Variants in MYO1D observed in about 807,000 individuals in gnomAD.
MYO1D encodes unconventional myosin-Id.
MYO1D carries 83 observed loss-of-function variants against 122.0 expected under a neutral mutation model. The observed-to-expected ratio is 0.68, with a 90% CI of 0.57 to 0.82. MYO1D has a LOEUF of 0.82. MYO1D is among the 40% of genes least tolerant of loss of function. The pLI, the probability that MYO1D is intolerant of heterozygous loss-of-function variation, is 0.00. For synonymous variants in MYO1D, 464 were observed against 446.9 expected (o/e 1.04, Z -0.48); for missense variants, 1,157 against 1,269.5 (o/e 0.91, Z 1.35).
At chr17:32,584,433 A>C (rs968128586) in intron 21 of MYO1D, among the ~76,000 whole-genome samples, 14 of 151,820 alleles carry the variant, frequency 9.2e-5, no homozygotes, top group African/African-American at 2.7e-4. Context: ...TACCATCTTA[A>C]CTATTTTCAA....
intron 21 of MYO1D, among the ~76,000 whole-genome samples, chr17:32,567,275 C>T (rs765690832): frequency 1.1e-4 from 16 of 152,204 alleles, no homozygotes; most frequent in Non-Finnish European, 1.8e-4. Context: ...CACGACTCAG[C>T]AAGTGACATG....
At chr17:32,678,584 G>A (rs1242719810) in intron 16 of MYO1D, among the ~76,000 whole-genome samples, 3 of 151,514 alleles carry the variant, frequency 2.0e-5, no homozygotes, top group East Asian at 3.9e-4. Context: ...CAAAGGGCAT[G>A]AACTCATCAT....
chr17:32,864,549 A>G (rs925563446), intron 1 of MYO1D, among the ~76,000 whole-genome samples: 89 of 25,686 alleles, frequency 3.5e-3, no homozygotes, highest in South Asian at 0.014. Flanking sequence ...TCTACGAATG[A>G]AAAAAAAAAA....
chr17:32,817,901 C>G (rs1022082144), intron 1 of MYO1D, among the ~76,000 whole-genome samples: 21 of 151,454 alleles, frequency 1.4e-4, no homozygotes, highest in African/African-American at 5.1e-4. Context: ...CCGAGGCGGG[C>G]GGATCACGAG....
chr17:32,694,100 G>A (rs1301055617), intron 16 of MYO1D, among the ~76,000 whole-genome samples: 1 of 152,190 alleles, frequency 6.6e-6, no homozygotes, highest in African/African-American at 2.4e-5. Context: ...ATATGTAGGG[G>A]TAAGTCTTCA....
intron 14 of MYO1D, among the ~76,000 whole-genome samples, chr17:32,735,569 T>C (rs2089692358): frequency 6.8e-6 from 1 of 146,754 alleles, no homozygotes; most frequent in East Asian, 2.1e-4. Context: ...AAATTTGGTT[T>C]TCAAAGCTTC....
At chr17:32,845,409 C>T (rs183565835) in intron 1 of MYO1D, among the ~76,000 whole-genome samples, 13 of 151,828 alleles carry the variant, frequency 8.6e-5, no homozygotes, top group Non-Finnish European at 1.2e-4. Flanking sequence ...AGCTTTGCTA[C>T]GAAAAAAAGA....
intron 21 of MYO1D, among the ~76,000 whole-genome samples, chr17:32,583,482 C>T (rs1050177857): frequency 2.6e-5 from 4 of 152,244 alleles, no homozygotes; most frequent in African/African-American, 9.6e-5. Context: ...CTCCTTCCTT[C>T]GGGGACTTCG....
At chr17:32,857,459 C>G (rs536447684) in intron 1 of MYO1D, among the ~76,000 whole-genome samples, 2 of 152,150 alleles carry the variant, frequency 1.3e-5, no homozygotes, top group South Asian at 4.2e-4. Context: ...GTGGCGGGCA[C>G]CTGTAGTCCC....
At chr17:32,568,280 GAC>G (rs2087191548) in intron 21 of MYO1D, among the ~76,000 whole-genome samples, 1 of 150,954 alleles carries the variant, frequency 6.6e-6, no homozygotes, top group Non-Finnish European at 1.5e-5. Context: ...TATGCAACTT[GAC>G]ACAGTTCAAA....
intron 16 of MYO1D, among the ~76,000 whole-genome samples, chr17:32,683,985 A>G (rs1483911805): frequency 2.0e-5 from 3 of 152,046 alleles, no homozygotes; most frequent in African/African-American, 7.2e-5. Flanking sequence ...AAAGCGCAAT[A>G]TTCGGGTGGG....
At chr17:32,655,278 T>G (rs937164860) in intron 17 of MYO1D, among the ~76,000 whole-genome samples, 1 of 152,344 alleles carries the variant, frequency 6.6e-6, no homozygotes, top group African/African-American at 2.4e-5. Context: ...AGTGCTGTTG[T>G]AGGCAGTGGG....
chr17:32,717,395 C>A (rs1234339955), intron 15 of MYO1D, among the ~76,000 whole-genome samples: 1 of 152,202 alleles, frequency 6.6e-6, no homozygotes, highest in Non-Finnish European at 1.5e-5. Context: ...CTTCCCCACC[C>A]TTACAATCAG....
intron 1 of MYO1D, among the ~76,000 whole-genome samples, chr17:32,867,758 C>T (rs1031766900): frequency 2.1e-4 from 30 of 142,582 alleles, no homozygotes; most frequent in South Asian, 6.8e-4. Flanking sequence ...GAGATCATGC[C>T]ACTGCACTCC....
rs531731990 is a variant in MYO1D at position 32,871,500 on chromosome 17, G to A, written c.95+5278C>T. Among the ~76,000 whole-genome samples the A allele has an allele frequency of 1.6e-3, 244 of 152,256 alleles. 2 individuals carry two copies. The highest frequency in any genetic ancestry group is 6.8e-3 in the Middle Eastern group (2 of 294). Reference sequence around the variant, plus strand: ...CAGTGCTTCAGATGATTGCTTTTATGGAAGACAAAACCCAGTAAGAAAAGA... The same window carrying A: ...CAGTGCTTCAGATGATTGCTTTTATAGAAGACAAAACCCAGTAAGAAAAGA... On this transcript the variant is annotated intron_variant, in intron 1 of 21. Transcript: ENST00000318217.
At chr17:32,793,770 CAGTTT>C (rs1291156128) in intron 1 of MYO1D, among the ~76,000 whole-genome samples, 2 of 152,196 alleles carry the variant, frequency 1.3e-5, no homozygotes, top group African/African-American at 4.8e-5. Flanking sequence ...GATCTGGCTG[CAGTTT>C]AGCACTGACT....
At chr17:32,867,182 T>C (rs2091133900) in intron 1 of MYO1D, among the ~76,000 whole-genome samples, 1 of 151,704 alleles carries the variant, frequency 6.6e-6, no homozygotes, top group Non-Finnish European at 1.5e-5. Flanking sequence ...AAAAATGAGC[T>C]GGATGTGGTG....
At chr17:32,500,271 T>G (rs569185762) in intron 21 of MYO1D, among the ~76,000 whole-genome samples, 45 of 152,306 alleles carry the variant, frequency 3.0e-4, no homozygotes, top group African/African-American at 1.1e-3. Flanking sequence ...CTTCATCAAC[T>G]TCGCACACTC....
intron 19 of MYO1D, among the ~76,000 whole-genome samples, chr17:32,650,290 G>C (rs1389056734): frequency 6.6e-6 from 1 of 152,110 alleles, no homozygotes; most frequent in African/African-American, 2.4e-5. Flanking sequence ...CAAGAAATTG[G>C]ATGCATACTT....
Sources: allele counts gnomAD v4.1 joint callset (sites outside exome capture counted in the v4.1 genomes callset), GRCh38; gene constraint gnomAD v4.1.1; transcripts MANE v1.5; gene names NCBI Gene and HGNC (gene_info 2026-07-23, HGNC 2026-07-21).